The following AFF1 variants were observed in gnomAD, a reference collection of about 807,000 sequenced individuals.
AFF1 encodes AF4/FMR2 family member 1.
AFF1 carries 48 observed loss-of-function variants against 121.7 expected under a neutral mutation model. The ratio of observed to expected loss-of-function variants is 0.39; its 90% CI spans 0.31 to 0.50. The LOEUF (loss-of-function observed/expected upper bound fraction) is 0.50. AFF1 is among the 20% of genes least tolerant of loss of function. The pLI, the probability that AFF1 is intolerant of heterozygous loss-of-function variation, is 0.76. For synonymous variants in AFF1, 613 were observed against 563.0 expected (o/e 1.09, Z -1.26); for missense variants, 1,523 against 1,511.7 (o/e 1.01, Z -0.12).
intron 2 of AFF1, among the ~76,000 whole-genome samples, chr4:87,010,645 A>G (rs1254071128): frequency 6.6e-6 from 1 of 152,196 alleles, no homozygotes. Flanking sequence ...ACAGTGCTTT[A>G]TACTGAGGAG....
At chr4:86,959,760 G>A (rs1239883628) in intron 2 of AFF1, among the ~76,000 whole-genome samples, 2 of 152,190 alleles carry the variant, frequency 1.3e-5, no homozygotes, top group African/African-American at 4.8e-5. Flanking sequence ...GCTTTCATGA[G>A]CTGTGGAATT....
intron 1 of AFF1, among the ~76,000 whole-genome samples, chr4:86,948,241 C>G (rs759808134): frequency 7.2e-5 from 11 of 152,162 alleles, no homozygotes; most frequent in Non-Finnish European, 1.5e-4. Flanking sequence ...TCTCCTCCCC[C>G]TCCTCCTTAT....
intron 8 of AFF1, among the ~76,000 whole-genome samples, chr4:87,098,005 GA>G (rs1162075304): frequency 2.0e-5 from 3 of 152,116 alleles, no homozygotes; most frequent in Non-Finnish European, 4.4e-5. Flanking sequence ...TTGAATATCA[GA>G]AAAAAATTAT....
chr4:87,126,387 T>G (rs1262290583), intron 14 of AFF1, 51 bp downstream of exon 14: 1 of 1,543,482 alleles, frequency 6.5e-7, no homozygotes, highest in Admixed American at 1.7e-5. Flanking sequence ...TGCTGTACCT[T>G]TACGTTCCCA....
At chr4:86,994,716 G>A (rs1260066501) in intron 2 of AFF1, among the ~76,000 whole-genome samples, 1 of 152,198 alleles carries the variant, frequency 6.6e-6, no homozygotes, top group East Asian at 1.9e-4. Context: ...CTTCTGAGAA[G>A]AGCTGCATTT....
intron 4 of AFF1, among the ~76,000 whole-genome samples, chr4:87,071,428 T>C (rs951618978): frequency 2.0e-5 from 3 of 152,236 alleles, no homozygotes; most frequent in African/African-American, 7.2e-5. Flanking sequence ...ACAGTGTTGC[T>C]GTGGCTGTAG....
intron 2 of AFF1, among the ~76,000 whole-genome samples, chr4:87,041,099 A>G (rs1405095283): frequency 6.6e-6 from 1 of 151,090 alleles, no homozygotes; most frequent in African/African-American, 2.4e-5. Context: ...CTGGTCTCGA[A>G]CTCCTGACCT....
intron 2 of AFF1, among the ~76,000 whole-genome samples, chr4:87,032,953 G>A (rs750748564): frequency 5.3e-5 from 8 of 152,032 alleles, no homozygotes; most frequent in Non-Finnish European, 1.2e-4. Context: ...GTTTGAGACC[G>A]ACCTAGGCAA....
chr4:86,992,549 C>T (rs957374190), intron 2 of AFF1, among the ~76,000 whole-genome samples: 2 of 151,544 alleles, frequency 1.3e-5, no homozygotes, highest in African/African-American at 2.4e-5. Flanking sequence ...AGTTGTTAAG[C>T]GTTTTAAGGC....
At chr4:87,084,535 T>A (rs1723504613) in intron 5 of AFF1, among the ~76,000 whole-genome samples, 1 of 148,232 alleles carries the variant, frequency 6.7e-6, no homozygotes, top group African/African-American at 2.5e-5. Context: ...GGCAACAGAG[T>A]TGAAACTATG....
intron 2 of AFF1, chr4:87,007,409 T>TG: frequency 6.2e-7 from 1 of 1,614,050 alleles, no homozygotes; most frequent in Non-Finnish European, 8.5e-7. Context: ...AGCTGAATTA[T>TG]GGCAGCCCAG....
chr4:86,937,389 A>G (rs1289185810), intron 1 of AFF1, among the ~76,000 whole-genome samples: 2 of 152,192 alleles, frequency 1.3e-5, no homozygotes, highest in Non-Finnish European at 2.9e-5. Flanking sequence ...CTAATCTACT[A>G]TAGGGTAATA....
intron 2 of AFF1, among the ~76,000 whole-genome samples, chr4:86,985,443 A>G (rs999111707): frequency 1.3e-5 from 2 of 150,390 alleles, no homozygotes; most frequent in Non-Finnish European, 3.0e-5. Flanking sequence ...CCTGGGAGGC[A>G]GAAGTTGCAG....
chr4:87,110,664 C>T (rs1726400495), intron 11 of AFF1, among the ~76,000 whole-genome samples: 1 of 151,914 alleles, frequency 6.6e-6, no homozygotes, highest in African/African-American at 2.4e-5. Flanking sequence ...CTCATATTCC[C>T]CATAGCTATG....
At chr4:87,059,399 G>C (rs1377447583) in intron 4 of AFF1, among the ~76,000 whole-genome samples, 1 of 152,120 alleles carries the variant, frequency 6.6e-6, no homozygotes, top group Non-Finnish European at 1.5e-5. Flanking sequence ...TTTGAAAGCA[G>C]CTTGATCCTA....
chr4:87,031,092 A>C (rs948721135), intron 2 of AFF1, among the ~76,000 whole-genome samples: 6 of 152,134 alleles, frequency 3.9e-5, no homozygotes, highest in African/African-American at 1.4e-4. Context: ...GCAGGCTCTG[A>C]AAGATAATTG....
At chr4:87,038,030 G>T (rs552404376) in intron 2 of AFF1, among the ~76,000 whole-genome samples, 3 of 152,316 alleles carry the variant, frequency 2.0e-5, no homozygotes, top group Admixed American at 6.5e-5. Flanking sequence ...GCAAACAGAA[G>T]TGAGTAGCAG....
intron 2 of AFF1, among the ~76,000 whole-genome samples, chr4:86,969,866 C>G (rs1722809769): frequency 2.6e-5 from 1 of 38,270 alleles, no homozygotes; most frequent in Admixed American, 3.9e-4. Context: ...GGCGGAAGAG[C>G]GAGACTCCGT....
intron 2 of AFF1, among the ~76,000 whole-genome samples, chr4:87,027,294 A>AG (rs1240705299): frequency 6.6e-6 from 1 of 152,370 alleles, no homozygotes; most frequent in East Asian, 1.9e-4. Context: ...TGAAGGTGTT[A>AG]GGTAAGTGCT....
Sources: allele counts gnomAD v4.1 joint callset (sites outside exome capture counted in the v4.1 genomes callset), GRCh38; gene constraint gnomAD v4.1.1; transcripts MANE v1.5; gene names NCBI Gene and HGNC (gene_info 2026-07-23, HGNC 2026-07-21).